Variants in TTN observed in about 807,000 individuals in gnomAD.
The protein encoded by TTN is titin, also known as connectin.
TTN carries 1,525 observed loss-of-function variants against 3,223.0 expected under a neutral mutation model. The ratio of observed to expected loss-of-function variants is 0.47; its 90% CI spans 0.45 to 0.49. The LOEUF is 0.49. Ranked by LOEUF, TTN falls within the 20% of genes least tolerant of loss-of-function variation. TTN has a pLI of 0.00. For synonymous variants in TTN, 14,094 were observed against 15,161.0 expected (o/e 0.93, Z 5.17); for missense variants, 40,786 against 43,424.0 (o/e 0.94, Z 5.40).
chr2:178,776,261 G>C lies in TTN; in HGVS notation c.5603C>G (p.Pro1868Arg), dbSNP rs773566945. ...ARFRCRVTGY[P>R]QPKVNWYLNG... ...GAGGTACCAGTTGACTTTGGGCTGA[G>C]GGTAGCCTGTTACCCTGCAGCGGAA... The change falls in exon 28 of 363, where the codon CCT becomes CGT. Residue 1868 changes from proline to arginine, a missense_variant. Pro to Arg is a moderately radical substitution (Grantham distance 103). Coordinates refer to ENST00000589042, the MANE Select transcript of TTN (RefSeq NM_001267550.2). 1 of 1,614,094 alleles carries C rather than the reference G, an allele frequency of 6.2e-7. No individual in the cohort carries two copies. The highest frequency in any genetic ancestry group is 2.2e-5 in the East Asian group (1 of 44,876).
In TTN at chr2:178,727,882, A is replaced by T; in HGVS notation, c.19715-19T>A. Reference sequence around the variant, plus strand: ...GGTGGTTCTATAGATTTTAAGAGAGATATATTTAATTAAATTGCTTGCAGT... The same window carrying T: ...GGTGGTTCTATAGATTTTAAGAGAGTTATATTTAATTAAATTGCTTGCAGT... On this transcript the variant is annotated intron_variant, in intron 67 of 362. Coordinates refer to ENST00000589042, the MANE Select transcript of TTN (RefSeq NM_001267550.2). 1 of 1,528,318 alleles carries T rather than the reference A, an allele frequency of 6.5e-7. No individual in the cohort carries two copies. The highest frequency in any genetic ancestry group is 8.8e-7 in the Non-Finnish European group (1 of 1,142,090). 94.7% of individuals were successfully genotyped at this position (1,528,318 alleles called of 1,614,324 possible). A position where few individuals can be genotyped will look rare whatever the true frequency, so the allele number is the denominator to read the frequency against.
rs376700325 is a variant in TTN, at chr2:178,593,312, A to G, written c.58896T>C (p.Pro19632=). The G allele has an allele frequency of 3.7e-6, 6 of 1,613,290 alleles. No homozygotes were observed. Among genetic ancestry groups the G allele is most frequent in the Admixed American group, 3.3e-5 (2 of 59,962 alleles). ...CCCTAAATTTAGTGTATGGATGAAT[A>G]GGATCTTTGGTAACTCTAGCCCATC... is the stretch of plus-strand genomic sequence containing the variant. ...SKRWARVTKD[P]IHPYTKFRVP... The change falls in exon 299 of 363, where the codon CCT becomes CCC. Residue 19632 remains proline, a synonymous_variant. Coordinates refer to ENST00000589042, the MANE Select transcript of TTN (RefSeq NM_001267550.2).
rs374668326 is a variant in TTN at position 178,532,042 on chromosome 2, A to T, written c.104573T>A (p.Ile34858Asn). ...CTCAGCCGGTTGTGGACGTGACCGG[A>T]TCAGCTCAGACACTGGCCTCATTAA... ...IELMRPVSEL[I>N]RSRPQPAEEY... The change falls in exon 358 of 363, where the codon ATC (isoleucine) becomes AAC (asparagine). Residue 34858 changes from isoleucine to asparagine, a missense_variant. Coordinates refer to ENST00000589042, the MANE Select transcript of TTN (RefSeq NM_001267550.2). 1 of 1,613,812 alleles carries T rather than the reference A, an allele frequency of 6.2e-7. No individual in the cohort carries two copies. The highest frequency in any genetic ancestry group is 1.3e-5 in the African/African-American group (1 of 74,908).
Position 178,782,284 on chromosome 2 carries a change from C to T in TTN, c.3308G>A (p.Cys1103Tyr). 6.2e-7 allele frequency: 1 copy of T among 1,614,108 alleles called. No individual in the cohort carries two copies. The highest frequency in any genetic ancestry group is 1.1e-5 in the South Asian group (1 of 91,082). ...LVEGGSVVFGCQVGGNPKPHV... is the reference protein window; with the variant it reads ...LVEGGSVVFGYQVGGNPKPHV... ...GGGCTTTGGGTTGCCGCCAACTTGG[C>T]ATCCAAACACCACGCTCCCACCTTC... The change falls in exon 20 of 363, where the codon TGC becomes TAC. Residue 1103 changes from cysteine (C) to tyrosine (Y), a missense_variant. Transcript: ENST00000589042.
intron 159 of TTN, 51 bp from the exon 160 acceptor site, chr2:178,667,772 G>C (rs192968882): frequency 7.6e-7 from 1 of 1,311,254 alleles, no homozygotes; most frequent in African/African-American, 1.5e-5. Flanking sequence ...GGTGGATAAA[G>C]AAGTGTATTA....
chr2:178,707,730 C>T lies in TTN; in HGVS notation c.28837G>A (p.Val9613Ile), dbSNP rs749649816. Reference sequence around the variant, plus strand: ...ATCCTAATTGGCTCAGATCCCTGGACATGGCAGCTGAGCTGCACGTATTCT... The same window carrying T: ...ATCCTAATTGGCTCAGATCCCTGGATATGGCAGCTGAGCTGCACGTATTCT... The part of the protein sequence containing the change: ...EGEYVQLSCH[V>I]QGSEPIRIQW... Residue 9613 changes from valine to isoleucine, a missense_variant, in exon 100 of 363, where the codon GTC (valine) becomes ATC (isoleucine). By Grantham distance (29) the Val-to-Ile change is conservative. Coordinates refer to ENST00000589042, the MANE Select transcript of TTN (RefSeq NM_001267550.2). 1 of 1,613,968 alleles carries T rather than the reference C, an allele frequency of 6.2e-7. No homozygotes were observed. Among genetic ancestry groups the T allele is most frequent in the Non-Finnish European group, 8.5e-7 (1 of 1,179,848 alleles).
chr2:178,677,743 T>G lies in TTN; in HGVS notation c.34169A>C (p.Glu11390Ala), dbSNP rs1400823591. Residue 11390 changes from glutamate to alanine, a missense_variant, in exon 146 of 363, where the codon GAA (glutamate) becomes GCA (alanine). Glu to Ala is a moderately radical substitution (Grantham distance 107). Coordinates refer to ENST00000589042, the MANE Select transcript of TTN (RefSeq NM_001267550.2). ...EEEEVLPEEE[E>A]IPPEEEEVPP... ...AACTTCCTCTTCCTCAGGTGGAATT[T>G]CCTCTTCTTCAGGTAGAACTTCCTC... 6.2e-7 allele frequency: 1 copy of G among 1,608,752 alleles called. No individual in the cohort carries two copies. Among genetic ancestry groups the G allele is most frequent in the East Asian group, 2.2e-5 (1 of 44,758 alleles).
intron 90 of TTN, 77 bp downstream of exon 90, chr2:178,714,909 G>T: frequency 6.6e-7 from 1 of 1,524,140 alleles, no homozygotes; most frequent in Non-Finnish European, 8.9e-7. Context: ...GATAAGACTG[G>T]GCTGGGGTGG....
intron 112 of TTN, among the ~76,000 whole-genome samples, chr2:178,697,749 T>C (rs569681728): frequency 6.6e-6 from 1 of 152,336 alleles, no homozygotes; most frequent in South Asian, 2.1e-4. Context: ...CTAAAAATCT[T>C]CGAGGATATA....
At position 178,692,579 on chromosome 2, in the gene TTN, G is replaced by GAAGTGCTCAGGTAGC. The variant is rs1195990293; in HGVS notation, c.31595_31596insGCTACCTGAGCACTT (p.Val10532_Pro10533insLeuProGluHisPhe). 2 of 1,526,058 alleles carry GAAGTGCTCAGGTAGC rather than the reference G, an allele frequency of 1.3e-6. No homozygotes were observed. The highest frequency in any genetic ancestry group is 2.6e-5 in the South Asian group (2 of 76,868). 94.5% of individuals were successfully genotyped at this position (1,526,058 alleles called of 1,614,324 possible). On this transcript the variant is annotated inframe_insertion and splice_region_variant, in exon 120 of 363. Transcript: ENST00000589042. ...GAGCTGGTTTCTCAGGTAGCTCAGG[G>GAAGTGCTCAGGTAGC]ACTTTAAAAGAAAAGTGCCATTTTT...
chr2:178,670,746 G>T (rs768053425), intron 156 of TTN, among the ~76,000 whole-genome samples: 7 of 151,832 alleles, frequency 4.6e-5, no homozygotes, highest in Non-Finnish European at 1.0e-4. Flanking sequence ...ATTTATATTT[G>T]CCAGGTTAAT....
intron 259 of TTN, 141 bp downstream of exon 259, chr2:178,615,166 C>A: frequency 9.1e-7 from 1 of 1,100,866 alleles, no homozygotes; most frequent in Non-Finnish European, 1.3e-6. Context: ...GTACATTCAG[C>A]AGCACCTTTA....
In TTN at chr2:178,605,701, G is replaced by C. The variant is rs753095229; in HGVS notation, c.53594C>G (p.Ser17865Cys). 3 of 1,537,802 alleles carry C rather than the reference G, an allele frequency of 2.0e-6. No individual in the cohort carries two copies. The highest frequency in any genetic ancestry group is 2.6e-6 in the Non-Finnish European group (3 of 1,139,242). The change falls in exon 279 of 363, where the codon TCT becomes TGT. Residue 17865 changes from serine (S) to cysteine (C), a missense_variant. Physicochemically the swap from Ser to Cys is moderately radical, Grantham distance 112. Transcript: ENST00000589042. Reference sequence around the variant, plus strand: ...TTCAGTGTATGTGAGCCTCTCTGGAGATGTTGGAGGACCTTTAGCCAGAGG... The same window carrying C: ...TTCAGTGTATGTGAGCCTCTCTGGACATGTTGGAGGACCTTTAGCCAGAGG... Reference protein sequence around the residue: ...LAVDPLGPPTSPERLTYTERT... With the variant: ...LAVDPLGPPTCPERLTYTERT...
Position 178,731,084 on chromosome 2 carries a change from G to C in TTN, c.17581C>G (p.Gln5861Glu). Residue 5861 changes from glutamine to glutamate, a missense_variant, in exon 60 of 363, where the codon CAA becomes GAA. Gln to Glu is a conservative substitution (Grantham distance 29). Transcript: ENST00000589042. Reference protein sequence around the residue: ...EITAKWFKDGQELTLGSKYKI... With the variant: ...EITAKWFKDGEELTLGSKYKI... ...TATTTTGAGCCCAGGGTCAGTTCTT[G>C]GCCATCTTTAAACCATTTGGCTGTA... 1 of 1,613,620 alleles carries C rather than the reference G, an allele frequency of 6.2e-7. No homozygotes were observed. Among genetic ancestry groups the C allele is most frequent in the Non-Finnish European group, 8.5e-7 (1 of 1,179,692 alleles).
rs2047004782 is a variant in TTN, at chr2:178,578,645, A to C, written c.68295T>G (p.Thr22765=). 6.2e-7 allele frequency: 1 copy of C among 1,612,096 alleles called. No individual in the cohort carries two copies. The highest frequency in any genetic ancestry group is 1.3e-5 in the African/African-American group (1 of 74,838). ...GAGAACCACCAGTTTTCTTGGGGTC[A>C]GTCCAAGTTAGAGATACTGAATCGT... ...VRHDSVSLTW[T]DPKKTGGSPI... The change falls in exon 321 of 363, where the codon ACT becomes ACG. Residue 22765 remains threonine, a synonymous_variant. Coordinates refer to ENST00000589042, the MANE Select transcript of TTN (RefSeq NM_001267550.2).
chr2:178,586,762 T>C lies in TTN; in HGVS notation c.64139A>G (p.Lys21380Arg), dbSNP rs2049068326. 3 of 1,613,048 alleles carry C rather than the reference T, an allele frequency of 1.9e-6. No homozygotes were observed. Among genetic ancestry groups the C allele is most frequent in the Non-Finnish European group, 2.5e-6 (3 of 1,179,296 alleles). The change falls in exon 308 of 363, where the codon AAG becomes AGG. Residue 21380 changes from lysine to arginine, a missense_variant. Lys to Arg is a conservative substitution (Grantham distance 26). Transcript: ENST00000589042. ...TAACCAGGCTAAGGTGGCACTGTTCTTGGTCATTTCAGTCACTTCTAATTT... is the reference window on the plus strand; with the variant it reads ...TAACCAGGCTAAGGTGGCACTGTTCCTGGTCATTTCAGTCACTTCTAATTT... The part of the protein sequence containing the change: ...PRKLEVTEMT[K>R]NSATLAWLPP...
chr2:178,709,847 A>G lies in TTN; in HGVS notation c.28472T>C (p.Ile9491Thr). The change falls in exon 99 of 363, where the codon ATC becomes ACC. Residue 9491 changes from isoleucine to threonine, a missense_variant. Coordinates refer to ENST00000589042, the MANE Select transcript of TTN (RefSeq NM_001267550.2). ...TAQLNIKERL[I>T]PPSFTKRLSE... ...GAGTCTTTTAGTGAAACTTGGTGGG[A>G]TGAGCCGCTCTATAAGAAATTGCAA... is the stretch of plus-strand genomic sequence containing the variant. 6.2e-7 allele frequency: 1 copy of G among 1,611,218 alleles called. No individual in the cohort carries two copies. The highest frequency in any genetic ancestry group is 8.5e-7 in the Non-Finnish European group (1 of 1,178,372).
At position 178,609,199 on chromosome 2, in the gene TTN, A is replaced by G; in HGVS notation, c.52102+9T>C. The G allele has an allele frequency of 1.3e-6, 2 of 1,492,208 alleles. No individual in the cohort carries two copies. The highest frequency in any genetic ancestry group is 1.8e-6 in the Non-Finnish European group (2 of 1,126,880). 92.4% of individuals were successfully genotyped at this position (1,492,208 alleles called of 1,614,324 possible). The stretch of plus-strand genomic sequence containing the variant: ...TTTTCCATTGGAAAGTGTAGTTTTA[A>G]TGACTCACCTAACACACTGACAGTA... On this transcript the variant is annotated intron_variant, in intron 273 of 362. Transcript: ENST00000589042.
chr2:178,617,967 A>G lies in TTN; in HGVS notation c.47384T>C (p.Ile15795Thr), dbSNP rs370625853. Residue 15795 changes from isoleucine (I) to threonine (T), a missense_variant, in exon 253 of 363, where the codon ATT becomes ACT. Transcript: ENST00000589042. ...DGGAEITNYV[I>T]ELRDKTSIRW... The stretch of plus-strand genomic sequence containing the variant: ...GATAGAAGTCTTGTCTCTTAATTCA[A>G]TGACGTAGTTTGTGATCTCAGCACC... The G allele has an allele frequency of 5.0e-6, 8 of 1,612,528 alleles. No individual in the cohort carries two copies. The Admixed American group carries it at 6.7e-5, about 13-fold the overall frequency.
Sources: allele counts gnomAD v4.1 joint callset (sites outside exome capture counted in the v4.1 genomes callset), GRCh38; gene constraint gnomAD v4.1.1; transcripts MANE v1.5; gene names NCBI Gene and HGNC (gene_info 2026-07-23, HGNC 2026-07-21).